The following NTN1 variants were observed in gnomAD, a reference collection of about 807,000 sequenced individuals.
NTN1 encodes netrin 1, also known as netrin-1.
NTN1 carries 11 observed loss-of-function variants against 54.2 expected under a neutral mutation model. The observed-to-expected ratio is 0.20, with a 90% CI of 0.13 to 0.34. The LOEUF is 0.34. Ranked by LOEUF, NTN1 falls within the 10% of genes least tolerant of loss-of-function variation. NTN1 has a pLI of 1.00. For synonymous variants in NTN1, 371 were observed against 382.0 expected, an observed-to-expected ratio of 0.97 and a Z score of 0.33; for missense variants, 740 against 893.1, an observed-to-expected ratio of 0.83 and a Z score of 2.18.
intron 2 of NTN1, among the ~76,000 whole-genome samples, chr17:9,085,249 A>G (rs11867706): frequency 0.74 from 112,562 of 152,160 alleles, 41,890 homozygotes; most frequent in East Asian, 0.95. Flanking sequence ...CCCCCTGTCC[A>G]GCTGCTCTGC....
chr17:9,136,012 C>T (rs1354053299), intron 2 of NTN1, among the ~76,000 whole-genome samples: 1 of 152,212 alleles, frequency 6.6e-6, no homozygotes, highest in Non-Finnish European at 1.5e-5. Context: ...GCCTGGGAAG[C>T]TCTAAGCCCA....
Position 9,212,191 on chromosome 17 carries a change from G to C in NTN1, c.1412-8977G>C, listed in dbSNP as rs1378992314. 6.6e-6 allele frequency among the ~76,000 whole-genome samples: 1 copy of C among 152,198 alleles called. No individual in the cohort carries two copies. Among genetic ancestry groups the C allele is most frequent in the East Asian group, 1.9e-4 (1 of 5,196 alleles). On this transcript the variant is annotated intron_variant, in intron 5 of 6. Coordinates refer to ENST00000173229, the MANE Select transcript of NTN1 (RefSeq NM_004822.3). This position sits in a 1 kb window ranked among gnomAD's most constrained non-coding sequence, Gnocchi z 5.5. The stretch of plus-strand genomic sequence containing the variant: ...CTGTGGGCCCCAGCTCTCCCTGACA[G>C]GTGGCTCTACCCCTGGATGAGGTGC...
intron 2 of NTN1, among the ~76,000 whole-genome samples, chr17:9,044,389 C>T (rs1480400576): frequency 2.0e-5 from 3 of 152,004 alleles, no homozygotes; most frequent in African/African-American, 7.3e-5. Flanking sequence ...TGTGTGCCAC[C>T]ATGCCTGGCT....
intron 5 of NTN1, among the ~76,000 whole-genome samples, chr17:9,187,205 G>T (rs1487355373): frequency 6.6e-6 from 1 of 152,172 alleles, no homozygotes; most frequent in African/African-American, 2.4e-5. Context: ...CGGGATTGGG[G>T]TGGGAGTTGC....
the NTN1 span, among the ~76,000 whole-genome samples, chr17:9,006,024 T>A: frequency 6.6e-6 from 1 of 152,244 alleles, no homozygotes; most frequent in South Asian, 2.1e-4. Flanking sequence ...ATGCCAGCAA[T>A]AACCCAGGTG....
intron 2 of NTN1, among the ~76,000 whole-genome samples, chr17:9,035,448 C>T (rs1002680232): frequency 6.6e-6 from 1 of 152,154 alleles, no homozygotes; most frequent in African/African-American, 2.4e-5. Context: ...CAGGTTTTGG[C>T]TATTAACAGT....
intron 2 of NTN1, among the ~76,000 whole-genome samples, chr17:9,146,296 T>TA (rs1396021198): frequency 1.3e-5 from 2 of 152,186 alleles, no homozygotes; most frequent in African/African-American, 2.4e-5. Context: ...GTGTCACTGT[T>TA]ACGGTGGCTG....
chr17:9,099,509 C>G (rs1011104187), intron 2 of NTN1, among the ~76,000 whole-genome samples: 1 of 151,820 alleles, frequency 6.6e-6, no homozygotes, highest in Non-Finnish European at 1.5e-5. Flanking sequence ...TTTTTCCTTC[C>G]TTCCCTCCCT....
chr17:9,155,194 T>A (rs995519645), intron 2 of NTN1, among the ~76,000 whole-genome samples: 1 of 152,142 alleles, frequency 6.6e-6, no homozygotes, highest in Non-Finnish European at 1.5e-5. Context: ...CCACTGTCCA[T>A]CTTCCCCTGA....
intron 2 of NTN1, among the ~76,000 whole-genome samples, chr17:9,057,649 C>T (rs1454825128): frequency 1.3e-5 from 2 of 152,202 alleles, no homozygotes; most frequent in Admixed American, 6.5e-5. Context: ...GTTTACAAAA[C>T]ATCTCCTTTA....
chr17:9,194,708 C>T (rs1185820551), intron 5 of NTN1, among the ~76,000 whole-genome samples: 1 of 152,082 alleles, frequency 6.6e-6, no homozygotes, highest in Non-Finnish European at 1.5e-5. Flanking sequence ...TGGATCAGAC[C>T]CAGATTTTCT....
At chr17:9,021,673 G>C (rs1379607690) in intron 1 of NTN1, 88 bp downstream of exon 1, 2 of 152,154 alleles carry the variant, frequency 1.3e-5, no homozygotes, top group African/African-American at 4.9e-5. Flanking sequence ...GTAGTCACTC[G>C]GGCGAGAGAG....
At chr17:9,193,396 A>T (rs1192844330) in intron 5 of NTN1, among the ~76,000 whole-genome samples, 1 of 152,234 alleles carries the variant, frequency 6.6e-6, no homozygotes, top group Non-Finnish European at 1.5e-5. Flanking sequence ...TATTTGTTTC[A>T]ACTACCTTTT....
intron 2 of NTN1, among the ~76,000 whole-genome samples, chr17:9,152,418 C>G (rs1485799010): frequency 1.3e-5 from 2 of 152,212 alleles, no homozygotes; most frequent in African/African-American, 4.8e-5. Flanking sequence ...GGTCATCAGT[C>G]CTGTTGGCCA....
chr17:9,143,439 C>G (rs1331296790), intron 2 of NTN1, among the ~76,000 whole-genome samples: 2 of 151,512 alleles, frequency 1.3e-5, no homozygotes, highest in Non-Finnish European at 2.9e-5. Context: ...TGAGGCAGGC[C>G]AGGCAGCCTG....
chr17:9,141,735 GT>G (rs1228601599), intron 2 of NTN1, among the ~76,000 whole-genome samples: 2 of 152,104 alleles, frequency 1.3e-5, no homozygotes, highest in African/African-American at 4.8e-5. Context: ...GACGGTTTAT[GT>G]TTCCTGAAGA....
At chr17:9,175,319 A>C (rs1489606241) in intron 3 of NTN1, 1 of 152,186 alleles carries the variant, frequency 6.6e-6, no homozygotes, top group Non-Finnish European at 1.5e-5. Flanking sequence ...TTCACCGACA[A>C]ACCAAATCTC....
chr17:9,239,942 A>G lies in NTN1; in HGVS notation c.1789A>G (p.Lys597Glu). The part of the protein sequence containing the change: ...RRLRKFQQRE[K>E]KGKCKKA ...GCTGCGCAAGTTCCAGCAGCGTGAG[A>G]AGAAGGGCAAGTGCAAGAAGGCCTA... Residue 597 changes from lysine to glutamate, a missense_variant, in exon 7 of 7, where the codon AAG becomes GAG. Transcript: ENST00000173229. This position sits in a 1 kb window ranked among gnomAD's most constrained non-coding sequence, Gnocchi z 5.2. 1 of 1,349,972 alleles carries G rather than the reference A, an allele frequency of 7.4e-7. No individual in the cohort carries two copies. Among genetic ancestry groups the G allele is most frequent in the Non-Finnish European group, 9.8e-7 (1 of 1,017,956 alleles). The allele number at this position is 1,349,972 out of a possible 1,614,324, so 83.6% of individuals were successfully genotyped here. A position where few individuals can be genotyped will look rare whatever the true frequency, so the allele number is the denominator to read the frequency against.
chr17:9,121,854 T>C (rs2092232552), intron 2 of NTN1, among the ~76,000 whole-genome samples: 1 of 152,112 alleles, frequency 6.6e-6, no homozygotes, highest in South Asian at 2.1e-4. Flanking sequence ...ACCTACTTCC[T>C]CAAATCAGTC....
Sources: allele counts gnomAD v4.1 joint callset (sites outside exome capture counted in the v4.1 genomes callset), GRCh38; gene constraint gnomAD v4.1.1; non-coding constraint Gnocchi (gnomAD v3.1); transcripts MANE v1.5; gene names NCBI Gene and HGNC (gene_info 2026-07-23, HGNC 2026-07-21).